CFAP97D2: variants seen among roughly 807,000 people sequenced by gnomAD.
CFAP97D2 encodes the protein uncharacterized protein CFAP97D2.
intron 1 of CFAP97D2, among the ~76,000 whole-genome samples, chr13:114,180,817 C>T (rs1168472667): frequency 6.6e-6 from 1 of 152,202 alleles, no homozygotes; most frequent in African/African-American, 2.4e-5. Flanking sequence ...ACTAGAATAC[C>T]TCCTGCATGA....
chr13:114,182,282 A>G (rs961081800), intron 1 of CFAP97D2, among the ~76,000 whole-genome samples: 10 of 152,094 alleles, frequency 6.6e-5, no homozygotes, highest in Non-Finnish European at 1.5e-4. Flanking sequence ...CAGTGGAGTA[A>G]AGAATAACAA....
chr13:114,198,678 C>CG (rs1566613621), intron 2 of CFAP97D2, among the ~76,000 whole-genome samples: 1 of 116,684 alleles, frequency 8.6e-6, no homozygotes. Context: ...TGAGGCGTGA[C>CG]AGTGGGTCCC....
intron 1 of CFAP97D2, among the ~76,000 whole-genome samples, chr13:114,180,866 C>T (rs538443120): frequency 1.3e-5 from 2 of 152,330 alleles, no homozygotes; most frequent in East Asian, 1.9e-4. Context: ...AGTGAGTAAC[C>T]AGGCTCTGTA....
At position 114,211,581 on chromosome 13, in the gene CFAP97D2, C is replaced by T. The variant is rs1386731225; in HGVS notation, c.291-331C>T. On this transcript the variant is annotated intron_variant, in intron 3 of 4. Coordinates refer to ENST00000646158, the Ensembl canonical transcript of CFAP97D2. The surrounding 1 kb of genome is among the most constrained non-coding windows in gnomAD (Gnocchi z 4.2). ...CCCTGCCTGGGACCCCACTCTCTCC[C>T]ACTCATCTTGTCCAGCATCTGCTCT... 1.3e-5 allele frequency among the ~76,000 whole-genome samples: 2 copies of T among 152,162 alleles called. No homozygotes were observed. Among genetic ancestry groups the T allele is most frequent in the African/African-American group, 4.8e-5 (2 of 41,442 alleles).
chr13:114,196,762 A>G (rs1342820219), intron 2 of CFAP97D2, among the ~76,000 whole-genome samples: 3 of 152,196 alleles, frequency 2.0e-5, no homozygotes, highest in African/African-American at 7.2e-5. Flanking sequence ...TGCCCGTGAC[A>G]CAGCCCCAGG....
rs758270967 is a variant in CFAP97D2 at position 114,187,446 on chromosome 13, A to G, written c.90+8026A>G. ...AGTAAATGATTGAAAAAAATATACC[A>G]TGTCAACACAAGTCAAAAGAAAGCT... On this transcript the variant is annotated intron_variant, in intron 1 of 4. Coordinates refer to ENST00000646158, the Ensembl canonical transcript of CFAP97D2. The surrounding 1 kb of genome is among the most constrained non-coding windows in gnomAD (Gnocchi z 4.2). Among the ~76,000 whole-genome samples, 27 of 152,200 alleles carry G rather than the reference A, an allele frequency of 1.8e-4. No homozygotes were observed. The highest frequency in any genetic ancestry group is 3.7e-4 in the Non-Finnish European group (25 of 68,036).
chr13:114,222,611 G>A (rs1295747667), downstream of CFAP97D2: 2 of 398,086 alleles, frequency 5.0e-6, no homozygotes, highest in African/African-American at 2.1e-5. This position sits in a 1 kb window ranked among gnomAD's most constrained non-coding sequence, Gnocchi z 4.4. Flanking sequence ...TGTGATGAGG[G>A]AGTCACAAGG....
rs940118832 is a variant in CFAP97D2, at chr13:114,211,452, C to A, written c.291-460C>A. The stretch of plus-strand genomic sequence containing the variant: ...GTGCACTGCTAGACCCTCCAAAATC[C>A]AACCCCTGCCAACCTCCCTCACCTC... On this transcript the variant is annotated intron_variant, in intron 3 of 4. Coordinates refer to ENST00000646158, the Ensembl canonical transcript of CFAP97D2. The surrounding 1 kb of genome is among the most constrained non-coding windows in gnomAD (Gnocchi z 4.2). 6.6e-6 allele frequency among the ~76,000 whole-genome samples: 1 copy of A among 152,182 alleles called. No individual in the cohort carries two copies. The highest frequency in any genetic ancestry group is 1.5e-5 in the Non-Finnish European group (1 of 68,032).
rs1484948149 is a variant in CFAP97D2, at chr13:114,207,706, C to T, written c.291-4206C>T. 6.6e-6 allele frequency among the ~76,000 whole-genome samples: 1 copy of T among 152,178 alleles called. No homozygotes were observed. On this transcript the variant is annotated intron_variant, in intron 3 of 4. Coordinates refer to ENST00000646158, the Ensembl canonical transcript of CFAP97D2. The surrounding 1 kb of genome is among the most constrained non-coding windows in gnomAD (Gnocchi z 4.9). ...TAACAGGCCACAGACTGGTATGGGTCCATGGCCCGGGGGTTGGGGACCTCT... is the reference window on the plus strand; with the variant it reads ...TAACAGGCCACAGACTGGTATGGGTTCATGGCCCGGGGGTTGGGGACCTCT...
In CFAP97D2 at chr13:114,203,425, G is replaced by C. The variant is rs1169933090; in HGVS notation, c.290+2982G>C. On this transcript the variant is annotated intron_variant, in intron 3 of 4. Transcript: ENST00000646158. This position sits in a 1 kb window ranked among gnomAD's most constrained non-coding sequence, Gnocchi z 4.3. ...CAAAAATTGAAGATCTAAATAAATG[G>C]AAAAATATCCCACGTGTATGGATTC... Among the ~76,000 whole-genome samples the C allele has an allele frequency of 3.3e-5, 5 of 152,052 alleles. No homozygotes were observed. Among genetic ancestry groups the C allele is most frequent in the Non-Finnish European group, 7.4e-5 (5 of 67,990 alleles).
At chr13:114,193,945 T>C (rs1320429714) in intron 1 of CFAP97D2, among the ~76,000 whole-genome samples, 1 of 152,180 alleles carries the variant, frequency 6.6e-6, no homozygotes, top group African/African-American at 2.4e-5. Context: ...GTTAATACAA[T>C]AGACTGAAAC....
chr13:114,198,683 G>T (rs138016158), intron 2 of CFAP97D2, among the ~76,000 whole-genome samples: 1 of 67,758 alleles, frequency 1.5e-5, no homozygotes, highest in Non-Finnish European at 2.8e-5. Context: ...CGTGACAGTG[G>T]GTCCCCGTGC....
At chr13:114,195,066 C>G (rs552197050) in intron 1 of CFAP97D2, among the ~76,000 whole-genome samples, 1 of 152,196 alleles carries the variant, frequency 6.6e-6, no homozygotes, top group African/African-American at 2.4e-5. Flanking sequence ...CACACATGTA[C>G]ACCGCACCTG....
intron 1 of CFAP97D2, among the ~76,000 whole-genome samples, chr13:114,194,793 G>A (rs2080880145): frequency 6.6e-6 from 1 of 152,174 alleles, no homozygotes; most frequent in Non-Finnish European, 1.5e-5. Flanking sequence ...GGGTTCAAAA[G>A]GCCTTGGTCA....
intron 2 of CFAP97D2, among the ~76,000 whole-genome samples, chr13:114,196,785 A>G (rs1287297854): frequency 6.6e-6 from 1 of 152,166 alleles, no homozygotes; most frequent in African/African-American, 2.4e-5. Flanking sequence ...GTCCTTGAAA[A>G]CATGTTCCCA....
chr13:114,183,269 C>T (rs1234051943), intron 1 of CFAP97D2, among the ~76,000 whole-genome samples: 1 of 152,076 alleles, frequency 6.6e-6, no homozygotes, highest in Admixed American at 6.6e-5. Context: ...CGGGTTCCAG[C>T]GATTCTCCTG....
chr13:114,198,130 G>C (rs957977146), intron 2 of CFAP97D2, among the ~76,000 whole-genome samples: 2 of 151,986 alleles, frequency 1.3e-5, no homozygotes, highest in Non-Finnish European at 2.9e-5. Flanking sequence ...TGGGACTACA[G>C]GCCCGCACCA....
At chr13:114,184,156 A>C (rs1345429813) in intron 1 of CFAP97D2, among the ~76,000 whole-genome samples, 1 of 152,232 alleles carries the variant, frequency 6.6e-6, no homozygotes, top group Non-Finnish European at 1.5e-5. Flanking sequence ...GTCTCAGAAA[A>C]ACCAGCCGAA....
chr13:114,205,615 C>T (rs761414667), intron 3 of CFAP97D2, among the ~76,000 whole-genome samples: 6 of 151,820 alleles, frequency 4.0e-5, no homozygotes, highest in Non-Finnish European at 8.8e-5. Context: ...AACAGCTCGT[C>T]CCTTTGGGAA....
Sources: gnomAD v4.1 joint callset for allele counts (sites outside exome capture counted in the v4.1 genomes callset) on GRCh38, gnomAD v4.1.1 for gene constraint, Gnocchi (gnomAD v3.1) non-coding constraint, MANE v1.5 for transcripts, NCBI Gene and HGNC (gene_info 2026-07-23, HGNC 2026-07-21) for gene names.